Variants in ESR2 observed in about 807,000 individuals in gnomAD.
ESR2 encodes the protein estrogen receptor 2.
Under a neutral mutation model 49.6 loss-of-function variants are expected in ESR2, and 36 were observed. That is an observed-to-expected ratio of 0.73 (90% CI 0.56 to 0.96). The LOEUF (loss-of-function observed/expected upper bound fraction) is 0.96. ESR2 is among the 40% of genes least tolerant of loss of function. The pLI, the probability that ESR2 is intolerant of heterozygous loss-of-function variation, is 0.00. For missense variants in ESR2, 714 were observed against 693.0 expected (o/e 1.03, Z -0.34); for synonymous variants, 320 against 266.1 (o/e 1.20, Z -1.97).
rs549116928 is a variant in ESR2 at position 64,231,335 on chromosome 14, G to C, written c.*1802C>G. 1 of 152,176 alleles carries C rather than the reference G, an allele frequency of 6.6e-6. No individual in the cohort carries two copies. Among genetic ancestry groups the C allele is most frequent in the African/African-American group, 2.4e-5 (1 of 41,532 alleles). 9.4% of individuals were successfully genotyped at this position (152,176 alleles called of 1,614,324 possible). A position where few individuals can be genotyped will look rare whatever the true frequency, so the allele number is the denominator to read the frequency against. The stretch of plus-strand genomic sequence containing the variant: ...CTTCCAAACCCCTCTATTGGGAGTG[G>C]GGGATTCTAGGCTGACCAGGAGGAA... On this transcript the variant is annotated 3_prime_UTR_variant, in exon 9 of 9. Coordinates refer to ENST00000341099, the MANE Select transcript of ESR2 (RefSeq NM_001437.3).
chr14:64,325,352 A>G (rs970693439), intron 1 of ESR2, among the ~76,000 whole-genome samples: 1 of 152,168 alleles, frequency 6.6e-6, no homozygotes, highest in Non-Finnish European at 1.5e-5. Flanking sequence ...ATTATTCATG[A>G]AATGATGAAT....
At chr14:64,243,265 A>G (rs571141589) in intron 7 of ESR2, among the ~76,000 whole-genome samples, 1 of 152,348 alleles carries the variant, frequency 6.6e-6, no homozygotes, top group South Asian at 2.1e-4. Context: ...GCCAGCTTAT[A>G]TGGGCATAGT....
chr14:64,243,648 A>G (rs977584241), intron 7 of ESR2, among the ~76,000 whole-genome samples: 18 of 152,210 alleles, frequency 1.2e-4, no homozygotes, highest in African/African-American at 3.9e-4. Flanking sequence ...TAGGCCCACT[A>G]CTGAGGCAAT....
chr14:64,237,750 G>A (rs1380546981), intron 7 of ESR2, among the ~76,000 whole-genome samples: 2 of 152,154 alleles, frequency 1.3e-5, no homozygotes, highest in Non-Finnish European at 2.9e-5. Flanking sequence ...GAAAACATCA[G>A]GCTAAGCAAA....
At position 64,229,059 on chromosome 14, in the gene ESR2, TCA is replaced by T. The variant is rs1306567119; in HGVS notation, c.*4076_*4077del. Among the ~76,000 whole-genome samples the T allele has an allele frequency of 1.3e-5, 2 of 152,124 alleles. No homozygotes were observed. Among genetic ancestry groups the T allele is most frequent in the Non-Finnish European group, 2.9e-5 (2 of 68,024 alleles). On this transcript the variant is annotated 3_prime_UTR_variant, in exon 9 of 9. Transcript: ENST00000341099. The stretch of plus-strand genomic sequence containing the variant: ...TATTCCACGTGTTTGGGGAAAGCAG[TCA>T]CAGACAGGAGGTGATCACAGTACCC...
chr14:64,257,214 A>AT lies in ESR2; in HGVS notation c.1091+11dup, dbSNP rs769466068. The AT allele has an allele frequency of 4.3e-6, 7 of 1,613,080 alleles. No individual in the cohort carries two copies. Among genetic ancestry groups the AT allele is most frequent in the Admixed American group, 3.3e-5 (2 of 59,988 alleles). On this transcript the variant is annotated intron_variant, in intron 6 of 8. Coordinates refer to ENST00000341099, the MANE Select transcript of ESR2 (RefSeq NM_001437.3). ...ACAAGTCAGAGAAGAAACACAATGT[A>AT]TTTTTTCTCACCTGTCCAGAACAAG...
At chr14:64,274,572 GTGT>G (rs1477997845) in intron 3 of ESR2, among the ~76,000 whole-genome samples, 9 of 151,712 alleles carry the variant, frequency 5.9e-5, no homozygotes, top group Admixed American at 5.9e-4. Flanking sequence ...TCAATCTTTT[GTGT>G]TGTTTTCTTG....
intron 4 of ESR2, among the ~76,000 whole-genome samples, chr14:64,263,640 C>A (rs2076266140): frequency 1.3e-5 from 2 of 151,774 alleles, no homozygotes; most frequent in African/African-American, 4.8e-5. Flanking sequence ...CAGAGCAAGA[C>A]TTGGGTTGAA....
chr14:64,259,610 G>C (rs1002332225), intron 5 of ESR2, among the ~76,000 whole-genome samples: 1 of 152,154 alleles, frequency 6.6e-6, no homozygotes, highest in Admixed American at 6.6e-5. Flanking sequence ...TTACAAATGG[G>C]CTTGAGAGAA....
At chr14:64,246,392 T>A (rs2075856540) in intron 7 of ESR2, among the ~76,000 whole-genome samples, 1 of 152,084 alleles carries the variant, frequency 6.6e-6, no homozygotes, top group South Asian at 2.1e-4. Flanking sequence ...CCTGGCACCT[T>A]GTGAAGAAGG....
chr14:64,267,209 C>G (rs761307118), intron 4 of ESR2, among the ~76,000 whole-genome samples: 6 of 152,168 alleles, frequency 3.9e-5, no homozygotes, highest in Non-Finnish European at 8.8e-5. Flanking sequence ...AAAAACCAAA[C>G]TTGTCTTTTC....
At chr14:64,271,653 G>A (rs921149297) in intron 3 of ESR2, among the ~76,000 whole-genome samples, 1 of 152,234 alleles carries the variant, frequency 6.6e-6, no homozygotes, top group East Asian at 1.9e-4. Flanking sequence ...AAATAAGTGA[G>A]AACATGGGAG....
chr14:64,240,521 A>G (rs1567733262), intron 7 of ESR2, among the ~76,000 whole-genome samples: 1 of 152,132 alleles, frequency 6.6e-6, no homozygotes, highest in African/African-American at 2.4e-5. Flanking sequence ...CTTTCATTAC[A>G]TTGTTTACAG....
At chr14:64,267,626 C>T (rs1415275503) in intron 4 of ESR2, among the ~76,000 whole-genome samples, 2 of 151,730 alleles carry the variant, frequency 1.3e-5, no homozygotes, top group African/African-American at 4.8e-5. Flanking sequence ...CCTGTAATCC[C>T]AGCACTCTGG....
chr14:64,307,558 A>T (rs757899805), intron 1 of ESR2, among the ~76,000 whole-genome samples: 2 of 151,196 alleles, frequency 1.3e-5, no homozygotes, highest in Non-Finnish European at 2.9e-5. Context: ...TTTTTGAGAC[A>T]GAGTCTCATT....
intron 3 of ESR2, 61 bp downstream of exon 3, chr14:64,279,920 T>C: frequency 2.8e-6 from 4 of 1,434,684 alleles, no homozygotes; most frequent in Non-Finnish European, 3.9e-6. Context: ...AAGTCATCTC[T>C]GCAAAATTGT....
Position 64,280,163 on chromosome 14 carries a change from A to G in ESR2, c.363-10T>C, listed in dbSNP as rs778460041. The G allele has an allele frequency of 2.4e-5, 39 of 1,611,724 alleles. No homozygotes were observed. Among genetic ancestry groups the G allele is most frequent in the Admixed American group, 1.0e-4 (6 of 59,994 alleles). ...CCTTTTCAGTGTCTCTCTAGGGAGC[A>G]AAGAAAATATCCATTGAACAGAGCA... On this transcript the variant is annotated splice_polypyrimidine_tract_variant and intron_variant, in intron 2 of 8. Transcript: ENST00000341099.
At chr14:64,328,696 C>CT (rs1212795921) in intron 1 of ESR2, among the ~76,000 whole-genome samples, 1 of 152,156 alleles carries the variant, frequency 6.6e-6, no homozygotes, top group Non-Finnish European at 1.5e-5. Context: ...GCACCAACAT[C>CT]TGTTTTGGAT....
At chr14:64,309,061 AT>A (rs1471302346) in intron 1 of ESR2, among the ~76,000 whole-genome samples, 1 of 152,232 alleles carries the variant, frequency 6.6e-6, no homozygotes, top group Non-Finnish European at 1.5e-5. Flanking sequence ...TGAGGATCAA[AT>A]AACATACCTA....
Sources: gnomAD v4.1 joint callset for allele counts (sites outside exome capture counted in the v4.1 genomes callset) on GRCh38, gnomAD v4.1.1 for gene constraint, MANE v1.5 for transcripts, NCBI Gene and HGNC (gene_info 2026-07-23, HGNC 2026-07-21) for gene names.